The following SHISA9 variants were observed in gnomAD, a reference collection of about 807,000 sequenced individuals.
SHISA9 encodes the protein protein shisa-9.
In SHISA9, 13 loss-of-function variants were observed where a neutral mutation model predicts 38.0. The observed-to-expected ratio is 0.34, with a 90% CI of 0.22 to 0.54. The LOEUF is 0.54. Ranked by LOEUF, SHISA9 falls within the 20% of genes least tolerant of loss-of-function variation. SHISA9 has a pLI of 0.91. For synonymous variants in SHISA9, 275 were observed against 242.0 expected (o/e 1.14, Z -1.27); for missense variants, 538 against 575.8 (o/e 0.93, Z 0.67).
chr16:13,427,252 C>T, the SHISA9 span, among the ~76,000 whole-genome samples: 2 of 152,174 alleles, frequency 1.3e-5, no homozygotes, highest in Admixed American at 6.5e-5. Flanking sequence ...AATATTTGCT[C>T]TAAGGCAAAT....
chr16:13,547,342 A>T, the SHISA9 span, among the ~76,000 whole-genome samples: 1 of 152,188 alleles, frequency 6.6e-6, no homozygotes, highest in African/African-American at 2.4e-5. Context: ...GAGAAAACAG[A>T]ACCAATAACT....
At chr16:13,102,437 C>T (rs890328449) in intron 2 of SHISA9, among the ~76,000 whole-genome samples, 5 of 152,084 alleles carry the variant, frequency 3.3e-5, no homozygotes, top group African/African-American at 1.2e-4. Context: ...ACCGCGTGGC[C>T]CAGGAGGTCT....
At chr16:13,293,697 C>T in the SHISA9 span, among the ~76,000 whole-genome samples, 1 of 152,204 alleles carries the variant, frequency 6.6e-6, no homozygotes, top group South Asian at 2.1e-4. Flanking sequence ...TTATATTCCA[C>T]CTGGACACCT....
intron 2 of SHISA9, among the ~76,000 whole-genome samples, chr16:12,996,056 G>C (rs2072453056): frequency 1.3e-5 from 2 of 152,152 alleles, no homozygotes. Context: ...CAGTTTTCTG[G>C]ATCCAGGACA....
chr16:13,046,567 C>T (rs1032971803), intron 2 of SHISA9, among the ~76,000 whole-genome samples: 56 of 152,330 alleles, frequency 3.7e-4, no homozygotes, highest in South Asian at 2.1e-4. Flanking sequence ...CTGTGCAAAG[C>T]AGGCAGGGCA....
At chr16:13,271,606 A>T in the SHISA9 span, among the ~76,000 whole-genome samples, 1 of 152,328 alleles carries the variant, frequency 6.6e-6, no homozygotes, top group African/African-American at 2.4e-5. Context: ...CAAATATATT[A>T]TGTAAAGTGA....
chr16:13,482,821 AG>A, the SHISA9 span, among the ~76,000 whole-genome samples: 1 of 139,726 alleles, frequency 7.2e-6, no homozygotes, highest in Non-Finnish European at 1.6e-5. Flanking sequence ...AAAAAAAGAG[AG>A]AGAGAGACGT....
the SHISA9 span, among the ~76,000 whole-genome samples, chr16:13,497,400 G>A: frequency 6.6e-6 from 1 of 152,126 alleles, no homozygotes; most frequent in South Asian, 2.1e-4. Context: ...AAGAAAAGGA[G>A]AGGGGCCGGA....
the SHISA9 span, among the ~76,000 whole-genome samples, chr16:13,415,151 C>T: frequency 6.6e-6 from 1 of 152,128 alleles, no homozygotes; most frequent in East Asian, 1.9e-4. Context: ...ACAGAAAAAC[C>T]TTTAGGCTGA....
At chr16:13,105,625 G>A (rs1480069482) in intron 2 of SHISA9, among the ~76,000 whole-genome samples, 1 of 152,194 alleles carries the variant, frequency 6.6e-6, no homozygotes, top group Non-Finnish European at 1.5e-5. Flanking sequence ...AGTCTGTGGA[G>A]AAAGAAAATA....
the SHISA9 span, among the ~76,000 whole-genome samples, chr16:13,460,367 A>T: frequency 6.6e-6 from 1 of 152,180 alleles, no homozygotes; most frequent in Non-Finnish European, 1.5e-5. Context: ...TGTGCTGGAA[A>T]CTTTATGCTC....
chr16:13,475,730 C>A, the SHISA9 span, among the ~76,000 whole-genome samples: 2 of 152,134 alleles, frequency 1.3e-5, no homozygotes, highest in Non-Finnish European at 1.5e-5. Flanking sequence ...ATACAACTCA[C>A]CACAATGTAG....
chr16:13,262,093 T>C, the SHISA9 span, among the ~76,000 whole-genome samples: 1 of 152,208 alleles, frequency 6.6e-6, no homozygotes, highest in African/African-American at 2.4e-5. Context: ...CAGTTCTCTT[T>C]GAGGTTCAGA....
At chr16:12,928,446 C>A (rs1284330605) in intron 2 of SHISA9, among the ~76,000 whole-genome samples, 2 of 152,070 alleles carry the variant, frequency 1.3e-5, no homozygotes, top group Non-Finnish European at 2.9e-5. Flanking sequence ...AGGTACACAA[C>A]CATGAAACTT....
intron 4 of SHISA9, among the ~76,000 whole-genome samples, chr16:13,224,287 C>T (rs1400271320): frequency 6.6e-6 from 1 of 152,158 alleles, no homozygotes; most frequent in Non-Finnish European, 1.5e-5. Context: ...ACCTCCCTTC[C>T]CCCGAGCTAG....
intron 2 of SHISA9, among the ~76,000 whole-genome samples, chr16:13,035,891 A>G (rs1053658241): frequency 2.0e-5 from 3 of 152,208 alleles, no homozygotes; most frequent in African/African-American, 7.2e-5. Flanking sequence ...TACGGTCAAT[A>G]AGTACATGAA....
the SHISA9 span, among the ~76,000 whole-genome samples, chr16:13,386,251 G>A: frequency 4.6e-5 from 7 of 152,174 alleles, no homozygotes; most frequent in Admixed American, 4.6e-4. Context: ...GATAAAGGGA[G>A]CACAGGATCT....
intron 4 of SHISA9, among the ~76,000 whole-genome samples, chr16:13,218,939 A>G (rs573041619): frequency 1.3e-5 from 2 of 152,156 alleles, no homozygotes; most frequent in African/African-American, 2.4e-5. Context: ...GGCTTTTGCA[A>G]TTTCCTGATT....
At chr16:13,158,154 A>G (rs1250385698) in intron 2 of SHISA9, among the ~76,000 whole-genome samples, 2 of 152,202 alleles carry the variant, frequency 1.3e-5, no homozygotes, top group African/African-American at 4.8e-5. Context: ...AAATGGGGCG[A>G]CAGTTTTTCC....
Sources: allele counts gnomAD v4.1 joint callset (sites outside exome capture counted in the v4.1 genomes callset), GRCh38; gene constraint gnomAD v4.1.1; transcripts MANE v1.5; gene names NCBI Gene and HGNC (gene_info 2026-07-23, HGNC 2026-07-21).